The following ULK4 variants were observed in gnomAD, a reference collection of about 807,000 sequenced individuals.
The protein encoded by ULK4 is unc-51 like kinase 4.
A neutral mutation model predicts 160.6 loss-of-function variants in ULK4; 133 were observed. The observed-to-expected ratio is 0.83, with a 90% CI of 0.72 to 0.96. ULK4 has a LOEUF of 0.96. ULK4 is among the 40% of genes least tolerant of loss of function. The pLI is 0.00. For synonymous variants in ULK4, 534 were observed against 539.8 expected, an observed-to-expected ratio of 0.99 and a Z score of 0.15; for missense variants, 1,580 against 1,499.5, an observed-to-expected ratio of 1.05 and a Z score of -0.89.
intron 19 of ULK4, among the ~76,000 whole-genome samples, chr3:41,805,197 A>G (rs2040602959): frequency 1.3e-5 from 2 of 152,184 alleles, no homozygotes; most frequent in African/African-American, 2.4e-5. Flanking sequence ...GAGGTCCTTC[A>G]CGTCCCTTGT....
chr3:41,758,277 T>C (rs2038872258), intron 21 of ULK4, among the ~76,000 whole-genome samples: 1 of 152,166 alleles, frequency 6.6e-6, no homozygotes, highest in Non-Finnish European at 1.5e-5. Context: ...TACCTTGTTA[T>C]AGCAGCCCAA....
chr3:41,307,206 C>G (rs2079963167), intron 35 of ULK4, among the ~76,000 whole-genome samples: 1 of 150,686 alleles, frequency 6.6e-6, no homozygotes, highest in African/African-American at 2.4e-5. Flanking sequence ...GGTGCAGCAG[C>G]AGAAAAATAC....
intron 30 of ULK4, among the ~76,000 whole-genome samples, chr3:41,635,391 AAAAT>A (rs1401254345): frequency 6.6e-6 from 1 of 152,068 alleles, no homozygotes; most frequent in Non-Finnish European, 1.5e-5. Context: ...CTAATTATAA[AAAAT>A]AATTATTAAG....
chr3:41,708,908 G>A (rs892253639), intron 25 of ULK4, among the ~76,000 whole-genome samples: 2 of 152,112 alleles, frequency 1.3e-5, no homozygotes, highest in East Asian at 1.9e-4. Flanking sequence ...TAAAAAGAAT[G>A]TTTTAAAGTT....
chr3:41,751,884 T>C (rs1028368347), intron 22 of ULK4, among the ~76,000 whole-genome samples: 9 of 152,110 alleles, frequency 5.9e-5, no homozygotes, highest in African/African-American at 2.2e-4. Context: ...GGTGAGTGCA[T>C]AGGCTTAGTG....
chr3:41,577,491 T>C (rs555846165), intron 31 of ULK4, among the ~76,000 whole-genome samples: 2 of 152,254 alleles, frequency 1.3e-5, no homozygotes, highest in South Asian at 4.1e-4. Flanking sequence ...ATAATCCAAT[T>C]ATACTTTTAT....
chr3:41,390,263 TTCTTCTTTATTAG>T (rs1402088442), intron 35 of ULK4, among the ~76,000 whole-genome samples: 11 of 152,220 alleles, frequency 7.2e-5, no homozygotes, highest in African/African-American at 2.7e-4. Context: ...CTTCTCTCTT[TTCTTCTTTATTAG>T]TCTTGCTAAC....
At chr3:41,896,693 T>C (rs1698169814) in intron 15 of ULK4, 129 bp downstream of exon 15, 1 of 1,069,008 alleles carries the variant, frequency 9.4e-7, no homozygotes, top group South Asian at 2.0e-5. Flanking sequence ...AGAGGATAAT[T>C]TTCATAAACC....
At chr3:41,918,365 G>A in intron 7 of ULK4, 92 bp downstream of exon 7, 1 of 766,318 alleles carries the variant, frequency 1.3e-6, no homozygotes, top group Non-Finnish European at 2.1e-6. Flanking sequence ...ACTTTGGGGA[G>A]TTATGAATCA....
chr3:41,427,147 A>T (rs2082794819), intron 34 of ULK4, among the ~76,000 whole-genome samples: 1 of 152,224 alleles, frequency 6.6e-6, no homozygotes, highest in Non-Finnish European at 1.5e-5. Context: ...CTATTCAAAT[A>T]AACTAGAGAA....
intron 30 of ULK4, among the ~76,000 whole-genome samples, chr3:41,662,607 G>A (rs1047430925): frequency 6.6e-6 from 1 of 152,148 alleles, no homozygotes; most frequent in Admixed American, 6.5e-5. Context: ...AGGAAATCAA[G>A]ATGGTTGGGG....
intron 32 of ULK4, among the ~76,000 whole-genome samples, chr3:41,494,748 C>G (rs2125910892): frequency 6.6e-6 from 1 of 152,172 alleles, no homozygotes; most frequent in Non-Finnish European, 1.5e-5. Flanking sequence ...GATACAAAAT[C>G]AATGTGCAAA....
At chr3:41,959,956 GATAAA>G (rs1269170483) in intron 1 of ULK4, among the ~76,000 whole-genome samples, 1 of 152,068 alleles carries the variant, frequency 6.6e-6, no homozygotes, top group African/African-American at 2.4e-5. Context: ...AGGATAAGAT[GATAAA>G]ATAAGTTTTC....
chr3:41,631,199 T>C (rs2033727827), intron 30 of ULK4, among the ~76,000 whole-genome samples: 1 of 152,138 alleles, frequency 6.6e-6, no homozygotes, highest in African/African-American at 2.4e-5. Context: ...ACCATTAAGG[T>C]ACATATATAG....
chr3:41,552,388 G>A (rs758844568), intron 32 of ULK4, among the ~76,000 whole-genome samples: 1 of 151,700 alleles, frequency 6.6e-6, no homozygotes, highest in Admixed American at 6.6e-5. Flanking sequence ...AAAACCTCTT[G>A]GATCTGATAA....
At chr3:41,273,619 A>T (rs747351765) in intron 35 of ULK4, among the ~76,000 whole-genome samples, 1 of 151,964 alleles carries the variant, frequency 6.6e-6, no homozygotes, top group Admixed American at 6.5e-5. Context: ...CCTCTCTCCT[A>T]TAGTTTAGAT....
intron 35 of ULK4, among the ~76,000 whole-genome samples, chr3:41,306,862 C>A (rs1478538705): frequency 3.3e-5 from 5 of 151,662 alleles, no homozygotes; most frequent in Non-Finnish European, 5.9e-5. Context: ...ACCCTGTGCT[C>A]TCTGAAACAT....
chr3:41,277,033 A>G (rs2125690860), intron 35 of ULK4, among the ~76,000 whole-genome samples: 1 of 152,326 alleles, frequency 6.6e-6, no homozygotes, highest in South Asian at 2.1e-4. Context: ...CTGGAAAAAT[A>G]CAACCCTCTT....
At chr3:41,686,342 G>A in intron 27 of ULK4, among the ~76,000 whole-genome samples, 1 of 152,164 alleles carries the variant, frequency 6.6e-6, no homozygotes, top group East Asian at 1.9e-4. Flanking sequence ...AGAAAAGCCA[G>A]GGTTTCTTGG....
Sources: allele counts gnomAD v4.1 joint callset (sites outside exome capture counted in the v4.1 genomes callset), GRCh38; gene constraint gnomAD v4.1.1; transcripts MANE v1.5; gene names NCBI Gene and HGNC (gene_info 2026-07-23, HGNC 2026-07-21).